SEC14L1: variants seen among roughly 807,000 people sequenced by gnomAD.
The protein encoded by SEC14L1 is SEC14-like protein 1.
SEC14L1 carries 48 observed loss-of-function variants against 85.3 expected under a neutral mutation model. The ratio of observed to expected loss-of-function variants is 0.56; its 90% CI spans 0.45 to 0.72. The LOEUF is 0.72. SEC14L1 is among the 30% of genes least tolerant of loss of function. The pLI, the probability that SEC14L1 is intolerant of heterozygous loss-of-function variation, is 0.00. For missense variants in SEC14L1, 682 were observed against 921.4 expected, an observed-to-expected ratio of 0.74 and a Z score of 3.36; for synonymous variants, 391 against 355.5, an observed-to-expected ratio of 1.10 and a Z score of -1.12.
In SEC14L1 at chr17:77,213,354, A is replaced by G. The variant is rs748081978; in HGVS notation, c.1904A>G (p.Gln635Arg). The change falls in exon 16 of 17, where the codon CAG becomes CGG. Residue 635 changes from glutamine (Q) to arginine (R), a missense_variant. Coordinates refer to ENST00000436233, the MANE Select transcript of SEC14L1 (RefSeq NM_001143998.2). This position sits in a 1 kb window ranked among gnomAD's most constrained non-coding sequence, Gnocchi z 7.1. ...VTRWPGFYIL[Q>R]WKFHSMPACA... ...AGGTGGCCGGGCTTCTACATCCTGC[A>G]GTGGAAATTCCACAGCATGCCTGCG... 5.0e-6 allele frequency: 8 copies of G among 1,613,306 alleles called. No homozygotes were observed. In the South Asian group the frequency reaches 8.8e-5, roughly 18 times the overall value.
chr17:77,144,188 C>T (rs905490598), intron 3 of SEC14L1, among the ~76,000 whole-genome samples: 1 of 152,132 alleles, frequency 6.6e-6, no homozygotes, highest in African/African-American at 2.4e-5. Flanking sequence ...AAACCTTTTC[C>T]AGTCATTTTT....
chr17:77,186,153 C>G (rs1567917120), intron 3 of SEC14L1, among the ~76,000 whole-genome samples: 1 of 152,160 alleles, frequency 6.6e-6, no homozygotes, highest in Admixed American at 6.5e-5. Flanking sequence ...TCCCTCCATC[C>G]CAGCTCCTGG....
chr17:77,204,888 C>T lies in SEC14L1; in HGVS notation c.1099-388C>T, dbSNP rs372464265. Among the ~76,000 whole-genome samples, 184 of 152,316 alleles carry T rather than the reference C, an allele frequency of 1.2e-3. 3 individuals are homozygous for T. In the South Asian group the frequency reaches 0.035, roughly 29 times the overall value. On this transcript the variant is annotated intron_variant, in intron 10 of 16. Coordinates refer to ENST00000436233, the MANE Select transcript of SEC14L1 (RefSeq NM_001143998.2). The stretch of plus-strand genomic sequence containing the variant: ...GCTTGAGCCATGCCTTACATCTGTT[C>T]TCAGGCTGCCTTTTCTCTTGGCGGG...
chr17:77,089,568 T>C (rs1344203946), intron 2 of SEC14L1: 4 of 468,566 alleles, frequency 8.5e-6, no homozygotes, highest in Non-Finnish European at 1.7e-5. Flanking sequence ...ACAATGTTAC[T>C]GTCATGTCTT....
At chr17:77,189,478 A>C (rs1975419508) in intron 3 of SEC14L1, among the ~76,000 whole-genome samples, 1 of 152,224 alleles carries the variant, frequency 6.6e-6, no homozygotes, top group African/African-American at 2.4e-5. Context: ...GCAGGAGCTC[A>C]GTCCAAACCA....
rs139832571 is a variant in SEC14L1, at chr17:77,207,089, G to A, written c.1476+227G>A. On this transcript the variant is annotated intron_variant, in intron 13 of 16. Coordinates refer to ENST00000436233, the MANE Select transcript of SEC14L1 (RefSeq NM_001143998.2). ...CATTGTTAAATACGAATGAGAATTCGTAGAATCAAATACGATTGCAGCTTG... is the reference window on the plus strand; with the variant it reads ...CATTGTTAAATACGAATGAGAATTCATAGAATCAAATACGATTGCAGCTTG... 1.9e-3 allele frequency among the ~76,000 whole-genome samples: 283 copies of A among 152,294 alleles called. 2 individuals carry two copies. Among genetic ancestry groups the A allele is most frequent in the Middle Eastern group, 6.8e-3 (2 of 294 alleles).
chr17:77,184,950 T>C (rs1320963457), intron 3 of SEC14L1, among the ~76,000 whole-genome samples: 1 of 152,232 alleles, frequency 6.6e-6, no homozygotes, highest in Non-Finnish European at 1.5e-5. Context: ...AAGTTACATC[T>C]ACTTTTTGCA....
At chr17:77,135,369 C>G (rs1972762699) in intron 3 of SEC14L1, among the ~76,000 whole-genome samples, 1 of 152,222 alleles carries the variant, frequency 6.6e-6, no homozygotes, top group South Asian at 2.1e-4. Context: ...TGTTTCTGTT[C>G]TGTGAGGCTT....
chr17:77,195,224 G>A (rs1273876797), intron 7 of SEC14L1, among the ~76,000 whole-genome samples: 1 of 152,040 alleles, frequency 6.6e-6, no homozygotes, highest in East Asian at 1.9e-4. Context: ...TTGAACTCCT[G>A]GGCTCAAGCA....
intron 3 of SEC14L1, among the ~76,000 whole-genome samples, chr17:77,122,176 A>G (rs961555075): frequency 6.6e-6 from 1 of 152,240 alleles, no homozygotes; most frequent in African/African-American, 2.4e-5. Context: ...TGCTTCTGTT[A>G]TCACATCATA....
In SEC14L1 at chr17:77,112,669, A is replaced by G. The variant is rs190118946; in HGVS notation, c.-136+19322A>G. On this transcript the variant is annotated intron_variant, in intron 3 of 19. Coordinates refer to the SEC14L1 transcript ENST00000392476. ...GGGAGGCCGAGGTGGGTGGATCACGAGGTCAGGAGATCGAGACCATCCTGG... is the reference window on the plus strand; with the variant it reads ...GGGAGGCCGAGGTGGGTGGATCACGGGGTCAGGAGATCGAGACCATCCTGG... Among the ~76,000 whole-genome samples, 3 of 148,180 alleles carry G rather than the reference A, an allele frequency of 2.0e-5. No homozygotes were observed. In the East Asian group the frequency reaches 6.1e-4, roughly 30 times the overall value.
chr17:77,214,777 G>A lies in SEC14L1; in HGVS notation c.*754G>A. The A allele has an allele frequency of 2.0e-6, 2 of 985,458 alleles. No homozygotes were observed. Among genetic ancestry groups the A allele is most frequent in the Non-Finnish European group, 2.4e-6 (2 of 829,988 alleles). The allele number at this position is 985,458 out of a possible 1,614,324, so 61.0% of individuals were successfully genotyped here. On this transcript the variant is annotated 3_prime_UTR_variant, in exon 17 of 17. Coordinates refer to ENST00000436233, the MANE Select transcript of SEC14L1 (RefSeq NM_001143998.2). ...TTTTTCTGTATGTGAACTTGGGTGG[G>A]GGGGTTCTTCCCGTTTCCTTCCGTG...
Position 77,196,317 on chromosome 17 carries a change from T to C in SEC14L1, c.819+6T>C, listed in dbSNP as rs1219227492. 6.4e-7 allele frequency: 1 copy of C among 1,560,648 alleles called. No homozygotes were observed. The highest frequency in any genetic ancestry group is 1.4e-5 in the African/African-American group (1 of 73,668). ...AGGAGACCCACAAGGGCAAAGTGAGTGTCAGCACCACACCCAGTGTGCAGG... is the reference window on the plus strand; with the variant it reads ...AGGAGACCCACAAGGGCAAAGTGAGCGTCAGCACCACACCCAGTGTGCAGG... On this transcript the variant is annotated splice_donor_region_variant and intron_variant, in intron 8 of 16. Transcript: ENST00000436233.
intron 15 of SEC14L1, among the ~76,000 whole-genome samples, chr17:77,212,928 A>C (rs1976838335): frequency 6.6e-6 from 1 of 152,216 alleles, no homozygotes; most frequent in Non-Finnish European, 1.5e-5. Flanking sequence ...TCAGCCCCGA[A>C]CATGCTGGAT....
rs770687186 is a variant in SEC14L1 at position 77,196,232 on chromosome 17, A to C, written c.740A>C (p.Tyr247Ser). Residue 247 changes from tyrosine (Y) to serine (S), a missense_variant, in exon 8 of 17, where the codon TAC becomes TCC. Transcript: ENST00000436233. ...CTAGATGCCGACTACATCAAGAGAT[A>C]CCTGGGCGATTTGACTCCGCTGCAG... is the stretch of plus-strand genomic sequence containing the variant. The part of the protein sequence containing the change: ...DKLDADYIKR[Y>S]LGDLTPLQES... 1 of 1,614,166 alleles carries C rather than the reference A, an allele frequency of 6.2e-7. No homozygotes were observed. The highest frequency in any genetic ancestry group is 8.5e-7 in the Non-Finnish European group (1 of 1,179,988).
intron 3 of SEC14L1, among the ~76,000 whole-genome samples, chr17:77,179,249 C>A (rs190771067): frequency 6.6e-6 from 1 of 152,070 alleles, no homozygotes; most frequent in Non-Finnish European, 1.5e-5. Context: ...TATACCATTG[C>A]GTGGTAAACT....
At chr17:77,108,982 C>T (rs567114020) in intron 3 of SEC14L1, among the ~76,000 whole-genome samples, 5 of 152,130 alleles carry the variant, frequency 3.3e-5, no homozygotes, top group African/African-American at 1.2e-4. Flanking sequence ...GCCACCACAC[C>T]AGCTAATTTT....
intron 3 of SEC14L1, among the ~76,000 whole-genome samples, chr17:77,121,530 T>C (rs1199147993): frequency 6.6e-6 from 1 of 152,118 alleles, no homozygotes; most frequent in Non-Finnish European, 1.5e-5. Context: ...GGCTAATTTT[T>C]GTATTTTCAG....
At chr17:77,200,815 C>T (rs185908481) in intron 9 of SEC14L1, 142 bp downstream of exon 9, 8 of 797,298 alleles carry the variant, frequency 1.0e-5, no homozygotes, top group Non-Finnish European at 1.6e-5. Context: ...TGGCACCTTT[C>T]CCAAGTTGAA....
Sources: gnomAD v4.1 joint callset for allele counts (sites outside exome capture counted in the v4.1 genomes callset) on GRCh38, gnomAD v4.1.1 for gene constraint, Gnocchi (gnomAD v3.1) non-coding constraint, MANE v1.5 for transcripts, NCBI Gene and HGNC (gene_info 2026-07-23, HGNC 2026-07-21) for gene names.